Variants in CNBD1 observed in about 807,000 individuals in gnomAD.
CNBD1 encodes the protein cyclic nucleotide-binding domain-containing protein 1.
A neutral mutation model predicts 54.4 loss-of-function variants in CNBD1; 71 were observed. That is an observed-to-expected ratio of 1.30 (90% CI 1.08 to 1.59). The LOEUF (loss-of-function observed/expected upper bound fraction) is 1.59. Ranked by LOEUF, CNBD1 falls within the 40% of genes most tolerant of loss-of-function variation. The probability of loss-of-function intolerance (pLI) is 0.00; values close to 1 mark genes in which losing one functional copy is unlikely to be tolerated. For synonymous variants in CNBD1, 182 were observed against 170.7 expected (o/e 1.07, Z -0.51); for missense variants, 659 against 518.0 (o/e 1.27, Z -2.64).
chr8:86,885,261 T>G (rs1033979897), intron 1 of CNBD1, among the ~76,000 whole-genome samples: 7 of 152,322 alleles, frequency 4.6e-5, no homozygotes, highest in Middle Eastern at 3.4e-3. Context: ...ATCATCAATA[T>G]AACATTCAAA....
chr8:87,290,924 C>T (rs1336610448), intron 8 of CNBD1, among the ~76,000 whole-genome samples: 1 of 152,074 alleles, frequency 6.6e-6, no homozygotes, highest in African/African-American at 2.4e-5. Flanking sequence ...GAAGTTTTAC[C>T]ATAATGTGTC....
chr8:87,384,738 T>A (rs1369748451), downstream of CNBD1, among the ~76,000 whole-genome samples: 1 of 151,920 alleles, frequency 6.6e-6, no homozygotes, highest in Admixed American at 6.6e-5. Flanking sequence ...TCCAATAATA[T>A]GACATTATAC....
At chr8:87,320,826 G>C (rs1397241282) in intron 8 of CNBD1, among the ~76,000 whole-genome samples, 3 of 151,970 alleles carry the variant, frequency 2.0e-5, no homozygotes, top group African/African-American at 7.2e-5. Context: ...TTTTCACCTT[G>C]CATAACTGAA....
chr8:87,025,919 G>T (rs1474489457), intron 4 of CNBD1, among the ~76,000 whole-genome samples: 1 of 152,212 alleles, frequency 6.6e-6, no homozygotes, highest in Non-Finnish European at 1.5e-5. Flanking sequence ...GATGAGGATG[G>T]AGGAAAGGGA....
chr8:86,947,642 A>G (rs893275377), intron 4 of CNBD1, among the ~76,000 whole-genome samples: 4 of 152,058 alleles, frequency 2.6e-5, no homozygotes, highest in South Asian at 2.1e-4. Context: ...TTGTGGGTAC[A>G]TAGTAGATGT....
At chr8:86,985,379 C>A (rs529088880) in intron 4 of CNBD1, among the ~76,000 whole-genome samples, 1 of 152,136 alleles carries the variant, frequency 6.6e-6, no homozygotes, top group Non-Finnish European at 1.5e-5. Context: ...TTTTTCAACC[C>A]ATGGTGCCTT....
chr8:87,235,016 A>G (rs1486004389), intron 5 of CNBD1, among the ~76,000 whole-genome samples: 1 of 152,134 alleles, frequency 6.6e-6, no homozygotes, highest in Non-Finnish European at 1.5e-5. Context: ...CTTGCACTTT[A>G]TGTTATAGAT....
At chr8:87,119,133 ATGACAGCGG>A (rs745366328) in intron 4 of CNBD1, among the ~76,000 whole-genome samples, 18 of 152,194 alleles carry the variant, frequency 1.2e-4, no homozygotes, top group Middle Eastern at 6.8e-3. Flanking sequence ...TTTATGAAAA[ATGACAGCGG>A]TATTTTGATA....
intron 4 of CNBD1, among the ~76,000 whole-genome samples, chr8:87,029,425 A>G (rs1809730198): frequency 6.6e-6 from 1 of 152,194 alleles, no homozygotes. Context: ...ACTTATTCCA[A>G]TTTTTGGGTG....
In CNBD1 at chr8:86,929,324, C is replaced by T. The variant is rs1384844106; in HGVS notation, c.273-10272C>T. Among the ~76,000 whole-genome samples the T allele has an allele frequency of 2.0e-5, 3 of 152,300 alleles. No individual in the cohort carries two copies. The East Asian group carries it at 5.8e-4, about 29-fold the overall frequency. On this transcript the variant is annotated intron_variant, in intron 3 of 10. Transcript: ENST00000518476. Reference sequence around the variant, plus strand: ...GAGAAGCATACTTGCTATCTGTAGACACATTTATTCTTTTTTCCCTTCTCA... The same window carrying T: ...GAGAAGCATACTTGCTATCTGTAGATACATTTATTCTTTTTTCCCTTCTCA...
intron 10 of CNBD1, among the ~76,000 whole-genome samples, chr8:87,374,952 C>G (rs771290211): frequency 1.3e-5 from 2 of 149,978 alleles, no homozygotes; most frequent in Non-Finnish European, 2.9e-5. Flanking sequence ...GGCAAAAATG[C>G]AAGGTTTTCT....
intron 4 of CNBD1, among the ~76,000 whole-genome samples, chr8:87,176,272 G>A (rs1002274388): frequency 2.6e-5 from 4 of 152,074 alleles, no homozygotes; most frequent in Admixed American, 6.6e-5. Context: ...GAGGATGATT[G>A]GTGGGGCCAT....
chr8:87,139,728 A>G (rs1399190663), intron 4 of CNBD1, among the ~76,000 whole-genome samples: 1 of 152,140 alleles, frequency 6.6e-6, no homozygotes, highest in East Asian at 1.9e-4. Context: ...GGGTGGAAAA[A>G]TTGATGCCAG....
At chr8:87,072,775 A>G (rs1389394077) in intron 4 of CNBD1, among the ~76,000 whole-genome samples, 1 of 150,338 alleles carries the variant, frequency 6.7e-6, no homozygotes, top group Non-Finnish European at 1.5e-5. Flanking sequence ...GAACCTGATG[A>G]TTATGTGTCT....
intron 4 of CNBD1, among the ~76,000 whole-genome samples, chr8:86,963,317 A>T (rs767195814): frequency 1.2e-4 from 18 of 152,010 alleles, no homozygotes; most frequent in Non-Finnish European, 2.1e-4. Flanking sequence ...TGATATTCCC[A>T]TCCATGAAGC....
chr8:86,911,503 G>A (rs1307637801), intron 3 of CNBD1, among the ~76,000 whole-genome samples: 4 of 152,138 alleles, frequency 2.6e-5, no homozygotes, highest in South Asian at 2.1e-4. Flanking sequence ...TTTTGGACAT[G>A]TGATATTTTG....
At chr8:87,251,560 C>G (rs1241358948) in intron 6 of CNBD1, among the ~76,000 whole-genome samples, 1 of 148,976 alleles carries the variant, frequency 6.7e-6, no homozygotes, top group African/African-American at 2.5e-5. Flanking sequence ...TGCACTCCAG[C>G]CTGTACAACA....
chr8:87,027,794 C>T (rs1188125739), intron 4 of CNBD1, among the ~76,000 whole-genome samples: 3 of 152,230 alleles, frequency 2.0e-5, no homozygotes, highest in Non-Finnish European at 4.4e-5. Context: ...TCACAAAGAA[C>T]ATCAGTTTAC....
At chr8:87,227,666 C>G (rs1586345664) in intron 5 of CNBD1, among the ~76,000 whole-genome samples, 1 of 142,096 alleles carries the variant, frequency 7.0e-6, no homozygotes, top group East Asian at 2.0e-4. Context: ...CTCTGGCTGC[C>G]CTTAACATTT....
Sources: gnomAD v4.1 joint callset for allele counts (sites outside exome capture counted in the v4.1 genomes callset) on GRCh38, gnomAD v4.1.1 for gene constraint, MANE v1.5 for transcripts, NCBI Gene and HGNC (gene_info 2026-07-23, HGNC 2026-07-21) for gene names.